Variants in KIF24 observed in about 807,000 individuals in gnomAD.
KIF24 encodes the protein kinesin-like protein KIF24.
KIF24 carries 81 observed loss-of-function variants against 118.9 expected under a neutral mutation model. The ratio of observed to expected loss-of-function variants is 0.68; its 90% CI spans 0.57 to 0.82. KIF24 has a LOEUF of 0.82. Ranked by LOEUF, KIF24 falls within the 40% of genes least tolerant of loss-of-function variation. KIF24 has a pLI of 0.00. For synonymous variants in KIF24, 599 were observed against 610.0 expected, an observed-to-expected ratio of 0.98 and a Z score of 0.27; for missense variants, 1,560 against 1,661.6, an observed-to-expected ratio of 0.94 and a Z score of 1.06.
chr9:34,254,088 G>A lies in KIF24; in HGVS notation c.*292C>T. ...ATTAGACCCAAATATATTCCCACAGGCAAGGGGTTAGTTAATCATATTCTC... is the reference window on the plus strand; with the variant it reads ...ATTAGACCCAAATATATTCCCACAGACAAGGGGTTAGTTAATCATATTCTC... On this transcript the variant is annotated 3_prime_UTR_variant, in exon 13 of 13. Transcript: ENST00000402558. 1 of 285,430 alleles carries A rather than the reference G, an allele frequency of 3.5e-6. No homozygotes were observed. Among genetic ancestry groups the A allele is most frequent in the Non-Finnish European group, 6.5e-6 (1 of 154,838 alleles). 17.7% of individuals were successfully genotyped at this position (285,430 alleles called of 1,614,324 possible). A position where few individuals can be genotyped will look rare whatever the true frequency, so the allele number is the denominator to read the frequency against.
intron 4 of KIF24, among the ~76,000 whole-genome samples, chr9:34,293,197 G>A (rs1293136764): frequency 6.6e-6 from 1 of 152,052 alleles, no homozygotes; most frequent in Non-Finnish European, 1.5e-5. Flanking sequence ...GACATGAAAA[G>A]GGCCAGGCAC....
At chr9:34,297,710 C>T (rs1333220320) in intron 3 of KIF24, among the ~76,000 whole-genome samples, 7 of 150,468 alleles carry the variant, frequency 4.7e-5, no homozygotes, top group African/African-American at 1.7e-4. Context: ...TGCAGTGAGC[C>T]GAGATGGCAC....
chr9:34,323,862 C>CA (rs1482924296), intron 1 of KIF24, among the ~76,000 whole-genome samples: 1 of 152,158 alleles, frequency 6.6e-6, no homozygotes, highest in Non-Finnish European at 1.5e-5. Flanking sequence ...TGATAGATGG[C>CA]AATTAGTATC....
Position 34,311,064 on chromosome 9 carries a change from G to A in KIF24, c.283C>T (p.Arg95Cys), listed in dbSNP as rs755211479. The A allele has an allele frequency of 8.7e-6, 14 of 1,613,900 alleles. No homozygotes were observed. Among genetic ancestry groups the A allele is most frequent in the Non-Finnish European group, 1.1e-5 (13 of 1,179,822 alleles). ...GGAGAATCAAAATTCAGCTGTCTGC[G>A]AGGGCCAGATCTTAATTCCTGAGAT... is the stretch of plus-strand genomic sequence containing the variant. ...IKSQELRSGP[R>C]RQLNFDSPAD... The change falls in exon 2 of 13, where the codon CGC becomes TGC. Residue 95 changes from arginine (R) to cysteine (C), a missense_variant. Around this residue, in one of 3 missense-constraint regions of KIF24, gnomAD observed 964 missense variants for 988.0 expected, o/e 0.98. Transcript: ENST00000402558.
At chr9:34,295,186 T>C (rs1034891825) in intron 4 of KIF24, among the ~76,000 whole-genome samples, 4 of 122,310 alleles carry the variant, frequency 3.3e-5, no homozygotes, top group Non-Finnish European at 7.1e-5. Flanking sequence ...GTGGATTGGA[T>C]GGATGGATAG....
chr9:34,260,838 GCA>G lies in KIF24; in HGVS notation c.1516-1135_1516-1134del, dbSNP rs1355388378. Among the ~76,000 whole-genome samples the G allele has an allele frequency of 2.0e-5, 3 of 152,202 alleles. No individual in the cohort carries two copies. The East Asian group carries it at 5.8e-4, about 29-fold the overall frequency. On this transcript the variant is annotated intron_variant, in intron 9 of 12. Coordinates refer to ENST00000402558, the MANE Select transcript of KIF24 (RefSeq NM_194313.4). ...ATACAAAAGTTAGTGAGGCATGGTG[GCA>G]CACACCTGTAGTCCCAGATACTCCA...
At chr9:34,320,460 C>A (rs1355420269) in intron 1 of KIF24, among the ~76,000 whole-genome samples, 1 of 151,392 alleles carries the variant, frequency 6.6e-6, no homozygotes, top group Non-Finnish European at 1.5e-5. Flanking sequence ...GGGTTCGAGA[C>A]CAGCCTGGCC....
At chr9:34,297,812 T>C (rs970915613) in intron 3 of KIF24, among the ~76,000 whole-genome samples, 24 of 152,054 alleles carry the variant, frequency 1.6e-4, no homozygotes, top group African/African-American at 5.1e-4. Context: ...ATCTCAATTC[T>C]GTAGATTACA....
intron 6 of KIF24, among the ~76,000 whole-genome samples, chr9:34,279,997 A>G (rs1428296011): frequency 1.3e-5 from 2 of 152,180 alleles, no homozygotes; most frequent in Admixed American, 6.6e-5. Context: ...AGAATAGAAC[A>G]GTGCCGGCCG....
chr9:34,259,034 G>A (rs972225162), intron 10 of KIF24, among the ~76,000 whole-genome samples: 1 of 152,152 alleles, frequency 6.6e-6, no homozygotes, highest in African/African-American at 2.4e-5. Context: ...GATCCCAGCA[G>A]ATACCACAGT....
At chr9:34,325,260 A>G (rs1837637619) in intron 1 of KIF24, among the ~76,000 whole-genome samples, 1 of 151,454 alleles carries the variant, frequency 6.6e-6, no homozygotes, top group South Asian at 2.1e-4. Context: ...TGGGAGGATC[A>G]CTTGAGCCCA....
rs1482856893 is a variant in KIF24, at chr9:34,302,722, C to A, written c.813+3530G>T. On this transcript the variant is annotated intron_variant, in intron 3 of 12. Coordinates refer to ENST00000402558, the MANE Select transcript of KIF24 (RefSeq NM_194313.4). ...CTTCAAGTGATCTGCCCCCCTCATC[C>A]TCCCAAAGTGCTGGGATTACAGGTG... Among the ~76,000 whole-genome samples the A allele has an allele frequency of 2.0e-5, 3 of 152,022 alleles. No individual in the cohort carries two copies. The East Asian group carries it at 5.8e-4, about 29-fold the overall frequency.
chr9:34,294,233 G>A lies in KIF24; in HGVS notation c.911+2784C>T, dbSNP rs1459265662. On this transcript the variant is annotated intron_variant, in intron 4 of 12. Transcript: ENST00000402558. Reference sequence around the variant, plus strand: ...CCTCCCACAGTGTGAAATTACAAGCGTGAACCACTGTGCCCGACTGACACT... The same window carrying A: ...CCTCCCACAGTGTGAAATTACAAGCATGAACCACTGTGCCCGACTGACACT... 4.6e-5 allele frequency among the ~76,000 whole-genome samples: 7 copies of A among 152,232 alleles called. No homozygotes were observed. In the East Asian group the frequency reaches 1.3e-3, roughly 29 times the overall value.
chr9:34,327,393 A>C (rs1837703218), intron 1 of KIF24, among the ~76,000 whole-genome samples: 2 of 152,214 alleles, frequency 1.3e-5, no homozygotes, highest in South Asian at 4.2e-4. Flanking sequence ...TAAACTAAAA[A>C]CTGAGAGGCT....
chr9:34,255,893 G>A lies in KIF24; in HGVS notation c.3714C>T (p.Ser1238=), dbSNP rs1188207560. 3.1e-6 allele frequency: 5 copies of A among 1,613,850 alleles called. No individual in the cohort carries two copies. The Admixed American group carries it at 6.7e-5, about 22-fold the overall frequency. The part of the protein sequence containing the change: ...TRLGWQEFGL[S]TDPIKLPCNS... ...TGCAGGGCAACTTGATGGGGTCTGT[G>A]GACAAACCAAACTCCTGCCAACCAA... Residue 1238 remains serine, a synonymous_variant, in exon 11 of 13, where the codon TCC becomes TCT. Transcript: ENST00000402558.
intron 1 of KIF24, among the ~76,000 whole-genome samples, chr9:34,328,670 G>A (rs1330854794): frequency 6.6e-6 from 1 of 151,830 alleles, no homozygotes; most frequent in Admixed American, 6.5e-5. Context: ...AATATTTCCT[G>A]AAAATCTACT....
chr9:34,311,759 T>C (rs533452082), intron 1 of KIF24, among the ~76,000 whole-genome samples: 3 of 147,490 alleles, frequency 2.0e-5, no homozygotes, highest in Non-Finnish European at 3.0e-5. Context: ...TATATATGTG[T>C]ATATATACAT....
upstream of KIF24, among the ~76,000 whole-genome samples, chr9:34,332,172 C>T (rs879348831): frequency 3.6e-4 from 55 of 152,352 alleles, no homozygotes; most frequent in Middle Eastern, 6.8e-3. Context: ...TCAGAGGCTT[C>T]ATTGCCTACA....
At chr9:34,263,227 G>T in intron 8 of KIF24, 55 bp from the exon 9 acceptor site, 1 of 1,266,426 alleles carries the variant, frequency 7.9e-7, no homozygotes, top group Non-Finnish European at 1.1e-6. Context: ...GAGAGTAACA[G>T]ACCTGATGCC....
Sources: allele counts gnomAD v4.1 joint callset (sites outside exome capture counted in the v4.1 genomes callset), GRCh38; gene constraint gnomAD v4.1.1; regional missense constraint gnomAD v4.1.1; transcripts MANE v1.5; gene names NCBI Gene and HGNC (gene_info 2026-07-23, HGNC 2026-07-21).